The following ZNF157 variants were observed in gnomAD, a reference collection of about 807,000 sequenced individuals.
ZNF157 encodes the protein zinc finger protein 157.
ZNF157 carries 8 observed loss-of-function variants against 9.4 expected under a neutral mutation model. The observed-to-expected ratio is 0.85, with a 90% CI of 0.50 to 1.53. The LOEUF is 1.53. ZNF157 is among the 40% of genes most tolerant of loss of function. ZNF157 has a pLI of 0.00. For synonymous variants in ZNF157, 120 were observed against 130.8 expected, an observed-to-expected ratio of 0.92 and a Z score of 0.56; for missense variants, 316 against 385.2, an observed-to-expected ratio of 0.82 and a Z score of 1.50.
chrX:47,389,471 C>T (rs2055890486), intron 1 of ZNF157, among the ~76,000 whole-genome samples: 1 of 111,119 alleles, frequency 9.0e-6, no homozygotes, highest in Admixed American at 9.7e-5. Context: ...CCACCTCAGC[C>T]TCTCGACTAG....
At chrX:47,403,059 G>C (rs888517269) in intron 1 of ZNF157, among the ~76,000 whole-genome samples, 24 of 105,727 alleles carry the variant, frequency 2.3e-4, no homozygotes, top group Non-Finnish European at 3.7e-4. Flanking sequence ...TCAGGAGTTC[G>C]AGACCAGCCT....
chrX:47,386,977 GT>G (rs920957916), intron 1 of ZNF157, among the ~76,000 whole-genome samples: 1 of 109,823 alleles, frequency 9.1e-6, no homozygotes, highest in Admixed American at 9.8e-5. Flanking sequence ...TTTTGTTTTT[GT>G]TTTTTTTGAG....
chrX:47,379,936 T>G (rs185230786), intron 1 of ZNF157, among the ~76,000 whole-genome samples: 145 of 110,875 alleles, frequency 1.3e-3, no homozygotes, highest in Non-Finnish European at 2.4e-3. Flanking sequence ...AGTCTAGTTT[T>G]ATAGTAAGTC....
At chrX:47,401,396 A>T (rs755943382) in intron 1 of ZNF157, among the ~76,000 whole-genome samples, 1 of 112,129 alleles carries the variant, frequency 8.9e-6, no homozygotes, top group Admixed American at 9.5e-5. Flanking sequence ...AAGCATCAAG[A>T]GAGTGTCTGC....
rs1210086503 is a variant in ZNF157, at chrX:47,413,019, T to A, written c.946T>A (p.Ser316Thr). Residue 316 changes from serine to threonine, a missense_variant, in exon 4 of 4, where the codon TCC becomes ACC. This residue lies in a region of ZNF157 where 167 missense variants were observed against 183.6 expected (regional missense o/e 0.91). Coordinates refer to ENST00000377073, the MANE Select transcript of ZNF157 (RefSeq NM_003446.4). Reference protein sequence around the residue: ...ECGKNFRAKKSLNQHQRIHTG... With the variant: ...ECGKNFRAKKTLNQHQRIHTG... ...TGGGAAAAACTTCCGTGCAAAGAAA[T>A]CCCTAAATCAGCATCAAAGAATTCA... The A allele has an allele frequency of 1.7e-6, 2 of 1,208,382 alleles. No individual in the cohort carries two copies. Among genetic ancestry groups the A allele is most frequent in the Non-Finnish European group, 2.2e-6 (2 of 894,399 alleles).
chrX:47,392,860 A>C (rs1462708054), intron 1 of ZNF157, among the ~76,000 whole-genome samples: 1 of 111,437 alleles, frequency 9.0e-6, no homozygotes, highest in Non-Finnish European at 1.9e-5. Flanking sequence ...GGCCTGAAAA[A>C]TATCCCCTGT....
Position 47,410,763 on chromosome X carries a change from C to T in ZNF157, c.283C>T (p.His95Tyr), listed in dbSNP as rs369221108. The change falls in exon 3 of 4, where the codon CAT becomes TAT. Residue 95 changes from histidine to tyrosine, a missense_variant. By Grantham distance (83) the His-to-Tyr change is moderately conservative. Coordinates refer to ENST00000377073, the MANE Select transcript of ZNF157 (RefSeq NM_003446.4). ...GATATTAGAGGAGGAATCCTCAGGC[C>T]ATGGTTACTCAGGTAAGTACTGGGC... ...LWILEEESSG[H>Y]GYSGSLSLLC... 6.8e-5 allele frequency: 82 copies of T among 1,198,950 alleles called. No individual in the cohort carries two copies. The highest frequency in any genetic ancestry group is 9.0e-5 in the Non-Finnish European group (80 of 888,782).
Position 47,385,233 on chromosome X carries a change from G to A in ZNF157, c.72+14493G>A, listed in dbSNP as rs748926891. The stretch of plus-strand genomic sequence containing the variant: ...TCTTTGCCTCTCATAACTCTTTGAA[G>A]ATTTAATTAAATAATAGTATTTAAG... On this transcript the variant is annotated intron_variant, in intron 1 of 3. Coordinates refer to ENST00000377073, the MANE Select transcript of ZNF157 (RefSeq NM_003446.4). Among the ~76,000 whole-genome samples, 4 of 111,793 alleles carry A rather than the reference G, an allele frequency of 3.6e-5. No individual in the cohort carries two copies. In the South Asian group the frequency reaches 1.5e-3, roughly 41 times the overall value.
intron 1 of ZNF157, among the ~76,000 whole-genome samples, chrX:47,393,480 T>C (rs2147407615): frequency 8.9e-6 from 1 of 111,949 alleles, no homozygotes; most frequent in Non-Finnish European, 1.9e-5. Flanking sequence ...GATAATCCCA[T>C]CTCTATTCCT....
rs372949154 is a variant in ZNF157, at chrX:47,380,159, A to G, written c.72+9419A>G. Among the ~76,000 whole-genome samples, 3 of 110,924 alleles carry G rather than the reference A, an allele frequency of 2.7e-5. No individual in the cohort carries two copies. The East Asian group carries it at 8.4e-4, about 31-fold the overall frequency. On this transcript the variant is annotated intron_variant, in intron 1 of 3. Transcript: ENST00000377073. ...AGTATTGAGTCTTCCCTTTAGCAGC[A>G]GAGAATCCATACGGGTCTGCAGCAA... is the stretch of plus-strand genomic sequence containing the variant.
chrX:47,374,735 G>A (rs2147399375), intron 1 of ZNF157, among the ~76,000 whole-genome samples: 1 of 83,146 alleles, frequency 1.2e-5, no homozygotes, highest in South Asian at 6.5e-4. Context: ...GTGAGATGGA[G>A]TCTCGATCTG....
At position 47,384,195 on chromosome X, in the gene ZNF157, G is replaced by A. The variant is rs184319694; in HGVS notation, c.72+13455G>A. ...CAGGAGGCTGCAGTGAGCCGAGATCGCGCCACTGCACTCCAGTCTAGGTGA... is the reference window on the plus strand; with the variant it reads ...CAGGAGGCTGCAGTGAGCCGAGATCACGCCACTGCACTCCAGTCTAGGTGA... On this transcript the variant is annotated intron_variant, in intron 1 of 3. Coordinates refer to ENST00000377073, the MANE Select transcript of ZNF157 (RefSeq NM_003446.4). 5.3e-3 allele frequency among the ~76,000 whole-genome samples: 586 copies of A among 110,654 alleles called. 5 individuals are homozygous for A. The highest frequency in any genetic ancestry group is 0.017 in the African/African-American group (505 of 30,475).
intron 1 of ZNF157, among the ~76,000 whole-genome samples, chrX:47,400,084 C>T (rs2055926259): frequency 9.3e-6 from 1 of 107,378 alleles, no homozygotes; most frequent in Non-Finnish European, 1.9e-5. Flanking sequence ...ACAACCTCTG[C>T]CTCCCGGATT....
At chrX:47,404,401 G>A (rs2055940522) in intron 1 of ZNF157, among the ~76,000 whole-genome samples, 1 of 109,676 alleles carries the variant, frequency 9.1e-6, no homozygotes, top group Non-Finnish European at 1.9e-5. Context: ...CTGACCTCAG[G>A]TGATCTGCTT....
chrX:47,374,211 G>A (rs1408653145), intron 1 of ZNF157, among the ~76,000 whole-genome samples: 1 of 110,260 alleles, frequency 9.1e-6, no homozygotes, highest in Non-Finnish European at 1.9e-5. Context: ...GTTGTCTACT[G>A]CAGAATTGAC....
At chrX:47,405,079 C>A (rs1044836832) in intron 1 of ZNF157, among the ~76,000 whole-genome samples, 2 of 110,562 alleles carry the variant, frequency 1.8e-5, no homozygotes, top group African/African-American at 6.6e-5. Flanking sequence ...TGTGAGAACT[C>A]AATCACTATC....
At chrX:47,381,040 G>A (rs2055861197) in intron 1 of ZNF157, among the ~76,000 whole-genome samples, 1 of 102,578 alleles carries the variant, frequency 9.7e-6, no homozygotes. Context: ...GCAGGAGGAG[G>A]AGAAAGAGAA....
intron 1 of ZNF157, among the ~76,000 whole-genome samples, chrX:47,373,148 G>A (rs1264547130): frequency 9.1e-6 from 1 of 110,018 alleles, no homozygotes; most frequent in Non-Finnish European, 1.9e-5. Flanking sequence ...GCAGTGAGCC[G>A]AGGTCGCACC....
rs186077255 is a variant in ZNF157, at chrX:47,394,026, G to T, written c.73-16250G>T. Among the ~76,000 whole-genome samples, 445 of 106,510 alleles carry T rather than the reference G, an allele frequency of 4.2e-3. 5 individuals carry two copies. The highest frequency in any genetic ancestry group is 0.015 in the African/African-American group (425 of 29,088). 92.5% of individuals were successfully genotyped at this position (106,510 alleles called of 115,157 possible). On this transcript the variant is annotated intron_variant, in intron 1 of 3. Coordinates refer to ENST00000377073, the MANE Select transcript of ZNF157 (RefSeq NM_003446.4). Reference sequence around the variant, plus strand: ...TGCCCAGGCTGAAGGGCAGTGGCACGATCTCAGCTCACTGCAAGCTCTGCC... The same window carrying T: ...TGCCCAGGCTGAAGGGCAGTGGCACTATCTCAGCTCACTGCAAGCTCTGCC...
Sources: gnomAD v4.1 joint callset for allele counts (sites outside exome capture counted in the v4.1 genomes callset) on GRCh38, gnomAD v4.1.1 for gene constraint, gnomAD v4.1.1 regional missense constraint, MANE v1.5 for transcripts, NCBI Gene and HGNC (gene_info 2026-07-23, HGNC 2026-07-21) for gene names.